Variants in CADM2 observed in about 807,000 individuals in gnomAD.
CADM2 encodes the protein cell adhesion molecule 2, also known as immunoglobulin superfamily member 4D.
A neutral mutation model predicts 49.8 loss-of-function variants in CADM2; 12 were observed. The ratio of observed to expected loss-of-function variants is 0.24; its 90% CI spans 0.15 to 0.39. The LOEUF is 0.39. CADM2 is among the 10% of genes least tolerant of loss of function. The pLI is 1.00. For missense variants in CADM2, 378 were observed against 492.3 expected, an observed-to-expected ratio of 0.77 and a Z score of 2.20; for synonymous variants, 214 against 175.4, an observed-to-expected ratio of 1.22 and a Z score of -1.74.
intron 2 of CADM2, among the ~76,000 whole-genome samples, chr3:85,764,969 G>A (rs1056888052): frequency 1.1e-4 from 17 of 151,814 alleles, no homozygotes; most frequent in Admixed American, 2.0e-4. Context: ...CTGTTTTTTT[G>A]TTTGTTTTTT....
At chr3:85,933,349 A>G (rs775620990) in intron 6 of CADM2, among the ~76,000 whole-genome samples, 2 of 152,002 alleles carry the variant, frequency 1.3e-5, no homozygotes, top group Non-Finnish European at 2.9e-5. Flanking sequence ...TCTCGGTTCC[A>G]CAGTGGAATT....
At chr3:85,356,401 C>T (rs936778284) in intron 1 of CADM2, among the ~76,000 whole-genome samples, 2 of 152,030 alleles carry the variant, frequency 1.3e-5, no homozygotes, top group Non-Finnish European at 2.9e-5. Flanking sequence ...ACATTTGTAG[C>T]TGTTGCACAG....
intron 1 of CADM2, among the ~76,000 whole-genome samples, chr3:85,406,528 T>C (rs2035386681): frequency 6.6e-6 from 1 of 152,188 alleles, no homozygotes. Context: ...GTGTTTGTAT[T>C]ACTCTTCGCT....
intron 1 of CADM2, among the ~76,000 whole-genome samples, chr3:85,646,205 A>G (rs1282453841): frequency 6.6e-6 from 1 of 151,952 alleles, no homozygotes; most frequent in Non-Finnish European, 1.5e-5. Context: ...ACTGACTTCA[A>G]CCTGAACTGT....
intron 1 of CADM2, among the ~76,000 whole-genome samples, chr3:84,994,277 T>C (rs767747641): frequency 6.6e-6 from 1 of 152,224 alleles, no homozygotes; most frequent in African/African-American, 2.4e-5. Context: ...TTTTCACCAA[T>C]TTTTGAAGTT....
chr3:85,855,873 G>A (rs1319403971), intron 3 of CADM2, among the ~76,000 whole-genome samples: 1 of 151,816 alleles, frequency 6.6e-6, no homozygotes, highest in East Asian at 1.9e-4. Context: ...TGATCAGCCT[G>A]CCTCGGCCTC....
Position 85,650,179 on chromosome 3 carries a change from G to A in CADM2, c.62-76343G>A, listed in dbSNP as rs933040005. On this transcript the variant is annotated intron_variant, in intron 1 of 9. Transcript: ENST00000383699. ...CGTTCTCAGCCGGCAGCTCTTCTTC[G>A]CCAAGCCACAAAAAGTGAAGCCTTC... 7.2e-5 allele frequency among the ~76,000 whole-genome samples: 11 copies of A among 152,146 alleles called. No homozygotes were observed. The South Asian group carries it at 8.3e-4, about 11-fold the overall frequency.
At chr3:85,969,185 A>C (rs751841857) in intron 8 of CADM2, among the ~76,000 whole-genome samples, 5 of 151,564 alleles carry the variant, frequency 3.3e-5, no homozygotes, top group Admixed American at 1.3e-4. Context: ...CCCCATTTAA[A>C]CTTATACAAA....
chr3:85,213,041 C>T (rs969089869), intron 1 of CADM2, among the ~76,000 whole-genome samples: 91 of 151,772 alleles, frequency 6.0e-4, no homozygotes, highest in Middle Eastern at 3.4e-3. Flanking sequence ...CGTCACCACA[C>T]CTTGCTATTT....
intron 1 of CADM2, among the ~76,000 whole-genome samples, chr3:85,365,198 A>AATTT (rs1491587351): frequency 3.3e-4 from 16 of 48,652 alleles, no homozygotes; most frequent in East Asian, 1.7e-3. Flanking sequence ...TTTTTTTTTT[A>AATTT]CTTTTTTTTT....
At chr3:85,077,114 G>A (rs770780403) in intron 1 of CADM2, among the ~76,000 whole-genome samples, 1 of 152,176 alleles carries the variant, frequency 6.6e-6, no homozygotes, top group Non-Finnish European at 1.5e-5. Context: ...AGGGAAGCTA[G>A]AGAACATCTC....
chr3:85,033,967 GT>G (rs1559627218), intron 1 of CADM2, among the ~76,000 whole-genome samples: 1 of 151,950 alleles, frequency 6.6e-6, no homozygotes, highest in East Asian at 1.9e-4. Flanking sequence ...TGGTCATCAC[GT>G]TTTTTAATTT....
Position 86,073,121 on chromosome 3 carries a change from A to G in CADM2, c.*6338A>G, listed in dbSNP as rs1299987826. ...AAAAATATTCCCTCAAGAAAGCTCC[A>G]TTTTTATCATAAACATTTCAACATA... On this transcript the variant is annotated 3_prime_UTR_variant, in exon 10 of 10. Transcript: ENST00000383699. 2 of 152,068 alleles carry G rather than the reference A, an allele frequency of 1.3e-5. No homozygotes were observed. The highest frequency in any genetic ancestry group is 2.1e-4 in the South Asian group (1 of 4,832). The allele number at this position is 152,068 out of a possible 1,614,324, so 9.4% of individuals were successfully genotyped here. A position where few individuals can be genotyped will look rare whatever the true frequency, so the allele number is the denominator to read the frequency against.
intron 1 of CADM2, among the ~76,000 whole-genome samples, chr3:85,225,959 T>C (rs1046153930): frequency 7.2e-5 from 11 of 152,226 alleles, no homozygotes; most frequent in Admixed American, 5.9e-4. Context: ...GCCGACTTCA[T>C]CGTGGTGGAT....
At chr3:85,237,027 A>T (rs1025474353) in intron 1 of CADM2, among the ~76,000 whole-genome samples, 1 of 152,052 alleles carries the variant, frequency 6.6e-6, no homozygotes. Flanking sequence ...TATTTATTAA[A>T]CCATATTTAA....
At chr3:85,929,722 A>C (rs1720358200) in intron 6 of CADM2, among the ~76,000 whole-genome samples, 1 of 152,066 alleles carries the variant, frequency 6.6e-6, no homozygotes, top group African/African-American at 2.4e-5. Flanking sequence ...GACTTTCAAA[A>C]TTAACTCAGT....
At chr3:85,486,793 C>T (rs2039435260) in intron 1 of CADM2, among the ~76,000 whole-genome samples, 1 of 152,020 alleles carries the variant, frequency 6.6e-6, no homozygotes, top group African/African-American at 2.4e-5. Context: ...TTACTGAATA[C>T]TATAAGAATA....
At chr3:85,286,549 A>G (rs781049609) in intron 1 of CADM2, among the ~76,000 whole-genome samples, 1 of 152,152 alleles carries the variant, frequency 6.6e-6, no homozygotes, top group Non-Finnish European at 1.5e-5. Context: ...GGAACTGCAC[A>G]TTCAAAGTCA....
intron 7 of CADM2, among the ~76,000 whole-genome samples, chr3:85,937,495 G>C (rs1721319897): frequency 6.6e-6 from 1 of 151,906 alleles, no homozygotes; most frequent in Non-Finnish European, 1.5e-5. Flanking sequence ...TTTAAAATGA[G>C]TGAGAATTTG....
Sources: gnomAD v4.1 joint callset for allele counts (sites outside exome capture counted in the v4.1 genomes callset) on GRCh38, gnomAD v4.1.1 for gene constraint, MANE v1.5 for transcripts, NCBI Gene and HGNC (gene_info 2026-07-23, HGNC 2026-07-21) for gene names.